AGBL1: variants seen among roughly 807,000 people sequenced by gnomAD.
AGBL1 encodes AGBL carboxypeptidase 1.
Under a neutral mutation model 118.9 loss-of-function variants are expected in AGBL1, and 130 were observed. The observed-to-expected ratio is 1.09, with a 90% CI of 0.95 to 1.26. AGBL1 has a LOEUF of 1.26. Among genes scored for constraint, AGBL1 ranks in the 50% most tolerant of loss-of-function variants. The probability of loss-of-function intolerance (pLI) is 0.00; values close to 1 mark genes in which losing one functional copy is unlikely to be tolerated. For missense variants in AGBL1, 1,584 were observed against 1,298.1 expected (o/e 1.22, Z -3.38); for synonymous variants, 555 against 478.9 (o/e 1.16, Z -2.08).
intron 22 of AGBL1, among the ~76,000 whole-genome samples, chr15:86,696,452 T>C (rs1567127125): frequency 6.6e-6 from 1 of 152,018 alleles, no homozygotes; most frequent in East Asian, 1.9e-4. Context: ...TCCACCTTTT[T>C]ACCTTAAGTC....
chr15:86,516,527 C>A (rs910384895), intron 18 of AGBL1, among the ~76,000 whole-genome samples: 1 of 152,136 alleles, frequency 6.6e-6, no homozygotes, highest in African/African-American at 2.4e-5. Flanking sequence ...TGGCTGGGTG[C>A]GGTGGCTGAC....
At chr15:86,330,959 C>A (rs2141861977) in intron 17 of AGBL1, among the ~76,000 whole-genome samples, 1 of 152,280 alleles carries the variant, frequency 6.6e-6, no homozygotes, top group East Asian at 1.9e-4. Flanking sequence ...GATGCGGTAG[C>A]TCATGTCTGT....
intron 18 of AGBL1, among the ~76,000 whole-genome samples, chr15:86,415,480 C>G (rs912432635): frequency 6.6e-6 from 1 of 152,110 alleles, no homozygotes; most frequent in Non-Finnish European, 1.5e-5. Context: ...ATGCCTGATA[C>G]TTAATAGTGT....
intron 21 of AGBL1, among the ~76,000 whole-genome samples, chr15:86,667,480 C>A (rs1200421046): frequency 6.6e-6 from 1 of 152,032 alleles, no homozygotes; most frequent in Non-Finnish European, 1.5e-5. Flanking sequence ...ACTTTCTCTT[C>A]AAAATTATTT....
chr15:86,166,092 A>G (rs2077337889), intron 5 of AGBL1, among the ~76,000 whole-genome samples: 1 of 152,198 alleles, frequency 6.6e-6, no homozygotes, highest in African/African-American at 2.4e-5. Flanking sequence ...TCATCTTAAA[A>G]TGAGGTCACT....
At chr15:86,843,858 C>T (rs563033646) in intron 22 of AGBL1, among the ~76,000 whole-genome samples, 1 of 152,114 alleles carries the variant, frequency 6.6e-6, no homozygotes, top group Non-Finnish European at 1.5e-5. Context: ...TATCATCATC[C>T]CTATTTTCCT....
chr15:86,938,683 C>T (rs1205515559), intron 23 of AGBL1: 1 of 152,152 alleles, frequency 6.6e-6, no homozygotes, highest in African/African-American at 2.4e-5. Context: ...GGTTTTGGAG[C>T]AGCAGCCGTA....
At chr15:86,275,740 G>C (rs960122834) in intron 15 of AGBL1, among the ~76,000 whole-genome samples, 1 of 152,164 alleles carries the variant, frequency 6.6e-6, no homozygotes, top group African/African-American at 2.4e-5. Context: ...CCCAGCCCAG[G>C]TCATTTTTGA....
At chr15:86,888,881 G>C (rs1367666520) in intron 22 of AGBL1, among the ~76,000 whole-genome samples, 1 of 152,156 alleles carries the variant, frequency 6.6e-6, no homozygotes, top group Non-Finnish European at 1.5e-5. Context: ...AATGAGCAAA[G>C]CGCTGAATGG....
chr15:86,535,475 T>C (rs1349902435), intron 19 of AGBL1, among the ~76,000 whole-genome samples: 1 of 152,236 alleles, frequency 6.6e-6, no homozygotes, highest in South Asian at 2.1e-4. Flanking sequence ...CCCTGTGCTG[T>C]TCAAGTAATT....
chr15:86,968,535 C>T (rs528364361), intron 23 of AGBL1, among the ~76,000 whole-genome samples: 1 of 151,976 alleles, frequency 6.6e-6, no homozygotes, highest in South Asian at 2.1e-4. Flanking sequence ...CAAATTAAGA[C>T]TCTTGGAAGC....
intron 22 of AGBL1, among the ~76,000 whole-genome samples, chr15:86,778,670 C>T (rs552350847): frequency 7.2e-5 from 11 of 152,224 alleles, no homozygotes; most frequent in African/African-American, 2.2e-4. Context: ...TTGCTGTTAT[C>T]GTGTTCTTTT....
chr15:86,897,589 G>GAT (rs1329037565), intron 22 of AGBL1, among the ~76,000 whole-genome samples: 3 of 150,916 alleles, frequency 2.0e-5, no homozygotes, highest in Non-Finnish European at 4.4e-5. Flanking sequence ...TTATTCCTTG[G>GAT]ATATGTTCAG....
At chr15:86,537,378 C>G (rs569285289) in intron 19 of AGBL1, among the ~76,000 whole-genome samples, 2 of 152,212 alleles carry the variant, frequency 1.3e-5, no homozygotes, top group African/African-American at 4.8e-5. Context: ...TGGCAAAGGC[C>G]TCTCAGGCTG....
downstream of AGBL1, among the ~76,000 whole-genome samples, chr15:86,919,840 C>T (rs1223752689): frequency 6.6e-6 from 1 of 152,158 alleles, no homozygotes; most frequent in African/African-American, 2.4e-5. Flanking sequence ...GCCTGTAAAG[C>T]ACTCACAGTG....
At chr15:87,008,539 G>T (rs1349136048) in intron 24 of AGBL1, among the ~76,000 whole-genome samples, 1 of 152,164 alleles carries the variant, frequency 6.6e-6, no homozygotes, top group African/African-American at 2.4e-5. Context: ...TAGTAAATTG[G>T]TACCAGTAGA....
intron 22 of AGBL1, among the ~76,000 whole-genome samples, chr15:86,889,755 A>G (rs1232403921): frequency 6.6e-6 from 1 of 152,218 alleles, no homozygotes; most frequent in Non-Finnish European, 1.5e-5. Flanking sequence ...ATAGTATTAC[A>G]TGGTGTACGT....
At chr15:86,640,908 A>G (rs2085178986) in intron 21 of AGBL1, among the ~76,000 whole-genome samples, 1 of 151,984 alleles carries the variant, frequency 6.6e-6, no homozygotes, top group Non-Finnish European at 1.5e-5. Flanking sequence ...AAAATTTCTG[A>G]TTATTTGATA....
chr15:86,386,277 C>T (rs1458849832), intron 17 of AGBL1, among the ~76,000 whole-genome samples: 9 of 82,660 alleles, frequency 1.1e-4, no homozygotes, highest in African/African-American at 4.0e-4. Context: ...TCCTCCTCCT[C>T]CTCCTCCTTC....
Sources: gnomAD v4.1 joint callset for allele counts (sites outside exome capture counted in the v4.1 genomes callset) on GRCh38, gnomAD v4.1.1 for gene constraint, MANE v1.5 for transcripts, NCBI Gene and HGNC (gene_info 2026-07-23, HGNC 2026-07-21) for gene names.